Variants in CSMD1 observed in about 807,000 individuals in gnomAD.
The protein encoded by CSMD1 is CUB and sushi domain-containing protein 1.
In CSMD1, 213 loss-of-function variants were observed where a neutral mutation model predicts 417.5. That is an observed-to-expected ratio of 0.51 (90% CI 0.46 to 0.57). CSMD1 has a LOEUF of 0.57. Ranked by LOEUF, CSMD1 falls within the 20% of genes least tolerant of loss-of-function variation. The pLI is 0.00. For synonymous variants in CSMD1, 2,862 were observed against 1,736.8 expected (o/e 1.65, Z -16.11); for missense variants, 6,923 against 4,529.7 (o/e 1.53, Z -15.17).
At chr8:3,363,021 T>C (rs1247176130) in intron 20 of CSMD1, among the ~76,000 whole-genome samples, 1 of 152,242 alleles carries the variant, frequency 6.6e-6, no homozygotes, top group Admixed American at 6.5e-5. Flanking sequence ...TTATGTTATC[T>C]GCCCTCCATA....
At chr8:4,772,142 A>G (rs1796631997) in intron 1 of CSMD1, among the ~76,000 whole-genome samples, 2 of 152,066 alleles carry the variant, frequency 1.3e-5, no homozygotes, top group Non-Finnish European at 2.9e-5. Context: ...AGCAGAAGTC[A>G]GTTCCTTGTG....
At chr8:4,880,870 T>C (rs973269494) in intron 1 of CSMD1, among the ~76,000 whole-genome samples, 1 of 152,174 alleles carries the variant, frequency 6.6e-6, no homozygotes, top group Admixed American at 6.5e-5. Context: ...TTTAGTATTA[T>C]TCATGCTTTA....
chr8:4,013,719 C>A (rs533251196), intron 4 of CSMD1, among the ~76,000 whole-genome samples: 2 of 152,328 alleles, frequency 1.3e-5, no homozygotes, highest in East Asian at 1.9e-4. Flanking sequence ...GCAGCTACAA[C>A]AAATGTTGGC....
chr8:3,730,815 A>G (rs1802801915), intron 6 of CSMD1, among the ~76,000 whole-genome samples: 1 of 152,220 alleles, frequency 6.6e-6, no homozygotes, highest in Admixed American at 6.5e-5. Context: ...GTTCAAAAAC[A>G]ACCCCATTCA....
intron 1 of CSMD1, among the ~76,000 whole-genome samples, chr8:4,712,893 A>C (rs1808401197): frequency 6.6e-6 from 1 of 152,348 alleles, no homozygotes; most frequent in Non-Finnish European, 1.5e-5. Flanking sequence ...GGATGGAAGA[A>C]GACAATTTTC....
chr8:4,870,137 ATATACT>A (rs1175690582), intron 1 of CSMD1, among the ~76,000 whole-genome samples: 1 of 152,156 alleles, frequency 6.6e-6, no homozygotes, highest in East Asian at 1.9e-4. Flanking sequence ...ATCTAATTAC[ATATACT>A]TATAAAATGT....
At chr8:3,306,730 T>G (rs77150330) in intron 25 of CSMD1, among the ~76,000 whole-genome samples, 6,810 of 152,256 alleles carry the variant, frequency 0.045, 214 homozygotes, top group African/African-American at 0.089. Context: ...TCCACTTCAT[T>G]TTAAACAAGA....
In CSMD1 at chr8:3,801,539, A is replaced by C. The variant is rs945597024; in HGVS notation, c.819-47497T>G. Among the ~76,000 whole-genome samples the C allele has an allele frequency of 4.6e-5, 7 of 152,236 alleles. 1 individual carries two copies. The highest frequency in any genetic ancestry group is 1.3e-4 in the Admixed American group (2 of 15,266). The stretch of plus-strand genomic sequence containing the variant: ...TGCTTGTCGGAAAGTAAAATGTTAG[A>C]GATATGCTGGAAGACAGTTTTGCAA... On this transcript the variant is annotated intron_variant, in intron 5 of 69. Coordinates refer to ENST00000635120, the MANE Select transcript of CSMD1 (RefSeq NM_033225.6).
intron 1 of CSMD1, among the ~76,000 whole-genome samples, chr8:4,823,382 A>G (rs185865332): frequency 7.2e-5 from 11 of 152,256 alleles, no homozygotes; most frequent in African/African-American, 2.2e-4. Flanking sequence ...ACTTTGAAAA[A>G]AAATCAAAGT....
intron 5 of CSMD1, among the ~76,000 whole-genome samples, chr8:3,961,563 C>G (rs959231434): frequency 6.6e-6 from 1 of 152,170 alleles, no homozygotes; most frequent in Non-Finnish European, 1.5e-5. Context: ...GAAATTTCCA[C>G]TAAAGGTATC....
intron 54 of CSMD1, among the ~76,000 whole-genome samples, chr8:2,993,324 G>C (rs1806567547): frequency 6.6e-6 from 1 of 152,158 alleles, no homozygotes; most frequent in African/African-American, 2.4e-5. Flanking sequence ...CATCCCCCTT[G>C]TTGAAGGTAA....
intron 26 of CSMD1, among the ~76,000 whole-genome samples, chr8:3,254,676 T>G (rs187179448): frequency 6.6e-6 from 1 of 152,260 alleles, no homozygotes; most frequent in Non-Finnish European, 1.5e-5. Context: ...CTATTGAGAC[T>G]TGTGCATTTG....
chr8:3,573,849 T>TC (rs1563165971), intron 10 of CSMD1, among the ~76,000 whole-genome samples: 2 of 151,638 alleles, frequency 1.3e-5, no homozygotes, highest in Non-Finnish European at 2.9e-5. Flanking sequence ...TTACATAATT[T>TC]AGTGAAATCC....
At chr8:4,973,493 T>A (rs1328455861) in intron 1 of CSMD1, among the ~76,000 whole-genome samples, 1 of 152,140 alleles carries the variant, frequency 6.6e-6, no homozygotes, top group Non-Finnish European at 1.5e-5. Flanking sequence ...TAAAAAATAA[T>A]ACCATAGAAA....
At chr8:3,765,500 G>C (rs994499993) in intron 5 of CSMD1, among the ~76,000 whole-genome samples, 3 of 152,152 alleles carry the variant, frequency 2.0e-5, no homozygotes, top group Admixed American at 2.0e-4. Context: ...AGCCCACTGA[G>C]GGCATTGGTG....
intron 5 of CSMD1, among the ~76,000 whole-genome samples, chr8:3,921,621 T>G (rs1469177471): frequency 6.6e-6 from 1 of 152,150 alleles, no homozygotes; most frequent in Non-Finnish European, 1.5e-5. Context: ...ATTTTTGGAT[T>G]TCCCTTTTGA....
chr8:4,600,207 T>C lies in CSMD1; in HGVS notation c.302+37135A>G, dbSNP rs73186981. Among the ~76,000 whole-genome samples the C allele has an allele frequency of 3.5e-3, 437 of 124,418 alleles. 1 individual carries two copies. The highest frequency in any genetic ancestry group is 5.5e-3 in the Non-Finnish European group (317 of 57,706). The allele number at this position is 124,418 out of a possible 152,430, so 81.6% of individuals were successfully genotyped here. On this transcript the variant is annotated intron_variant, in intron 2 of 69. Transcript: ENST00000635120. ...CAAATGTCAAATACATTTCCATATC[T>C]GGCCATGGACCCTCCTCACGTGATA...
intron 7 of CSMD1, among the ~76,000 whole-genome samples, chr8:3,620,807 G>A (rs1308430365): frequency 2.0e-5 from 3 of 152,148 alleles, no homozygotes; most frequent in African/African-American, 7.2e-5. Flanking sequence ...GTAAAAGTCA[G>A]AGCTACCCTT....
chr8:4,200,565 T>C (rs1165385309), intron 3 of CSMD1, among the ~76,000 whole-genome samples: 1 of 150,132 alleles, frequency 6.7e-6, no homozygotes, highest in Non-Finnish European at 1.5e-5. Flanking sequence ...CCTTATATAA[T>C]TATAAATCTT....
Sources: allele counts gnomAD v4.1 joint callset (sites outside exome capture counted in the v4.1 genomes callset), GRCh38; gene constraint gnomAD v4.1.1; transcripts MANE v1.5; gene names NCBI Gene and HGNC (gene_info 2026-07-23, HGNC 2026-07-21).